The following NPSR1 variants were observed in gnomAD, a reference collection of about 807,000 sequenced individuals.
The protein encoded by NPSR1 is neuropeptide S receptor.
NPSR1 carries 48 observed loss-of-function variants against 46.9 expected under a neutral mutation model. The ratio of observed to expected loss-of-function variants is 1.02; its 90% confidence interval spans 0.81 to 1.30. The LOEUF is 1.30. Ranked by LOEUF, NPSR1 falls within the 50% of genes most tolerant of loss-of-function variation. The pLI, the probability that NPSR1 is intolerant of heterozygous loss-of-function variation, is 0.00. For missense variants in NPSR1, 450 were observed against 449.5 expected, an observed-to-expected ratio of 1.00 and a Z score of -0.01; for synonymous variants, 176 against 168.1, an observed-to-expected ratio of 1.05 and a Z score of -0.36.
In NPSR1 at chr7:34,846,339, G is replaced by A. The variant is rs183610214; in HGVS notation, c.844+1357G>A. ...TCTAGAGGGTCAGCAAATATTGACA[G>A]CCCTACCAGACCAAAAGGGCCCTTT... is the stretch of plus-strand genomic sequence containing the variant. On this transcript the variant is annotated intron_variant, in intron 7 of 8. Coordinates refer to ENST00000360581, the MANE Select transcript of NPSR1 (RefSeq NM_207172.2). Among the ~76,000 whole-genome samples, 30 of 152,204 alleles carry A rather than the reference G, an allele frequency of 2.0e-4. 1 individual carries two copies. In the East Asian group the frequency reaches 5.8e-3, roughly 29 times the overall value.
intron 1 of NPSR1, among the ~76,000 whole-genome samples, chr7:34,671,909 A>G (rs1792079802): frequency 1.3e-5 from 2 of 152,196 alleles, no homozygotes; most frequent in South Asian, 4.1e-4. Flanking sequence ...TCCAGGGGAA[A>G]GTTTCTCAGA....
At chr7:34,838,726 T>C (rs1394921923) in intron 6 of NPSR1, among the ~76,000 whole-genome samples, 1 of 152,188 alleles carries the variant, frequency 6.6e-6, no homozygotes, top group African/African-American at 2.4e-5. Flanking sequence ...GAAAAAGAAC[T>C]GTATCATAAA....
At chr7:34,769,176 T>C (rs2128732377) in intron 2 of NPSR1, among the ~76,000 whole-genome samples, 1 of 152,304 alleles carries the variant, frequency 6.6e-6, no homozygotes, top group Admixed American at 6.5e-5. Flanking sequence ...CTTTTTATGA[T>C]TTCATTTTGT....
At chr7:34,728,128 C>CAGTTT (rs1784252846) in intron 2 of NPSR1, among the ~76,000 whole-genome samples, 1 of 151,318 alleles carries the variant, frequency 6.6e-6, no homozygotes, top group Admixed American at 6.6e-5. Context: ...GCACAATGTG[C>CAGTTT]AGTTTAGTTA....
At chr7:34,746,584 G>A (rs1011253488) in intron 2 of NPSR1, among the ~76,000 whole-genome samples, 21 of 152,118 alleles carry the variant, frequency 1.4e-4, no homozygotes. Flanking sequence ...TCTTAACCAA[G>A]TGTTCTCCCT....
intron 2 of NPSR1, among the ~76,000 whole-genome samples, chr7:34,761,805 G>A (rs1786186250): frequency 6.6e-6 from 1 of 152,218 alleles, no homozygotes; most frequent in Admixed American, 6.5e-5. Context: ...TGAGCCCCAT[G>A]TTGTGCAATG....
At chr7:34,780,985 C>T (rs324986) in intron 3 of NPSR1, among the ~76,000 whole-genome samples, 2 of 151,890 alleles carry the variant, frequency 1.3e-5, no homozygotes, top group African/African-American at 2.4e-5. Context: ...TAAGAACATA[C>T]GCTGAGTAAT....
At chr7:34,712,106 C>T (rs1334883487) in intron 2 of NPSR1, among the ~76,000 whole-genome samples, 1 of 152,174 alleles carries the variant, frequency 6.6e-6, no homozygotes, top group Admixed American at 6.5e-5. Flanking sequence ...TGTATTAAAG[C>T]TGCTTATTTA....
Position 34,696,078 on chromosome 7 carries a change from T to TAAAA in NPSR1, c.280+11411_280+11414dup, listed in dbSNP as rs34574984. On this transcript the variant is annotated intron_variant, in intron 2 of 8. Coordinates refer to ENST00000360581, the MANE Select transcript of NPSR1 (RefSeq NM_207172.2). Reference sequence around the variant, plus strand: ...CAGTCTCCAGCAATGGTTGATTTGATAAAAAAAAAAAAAAAAAAAACTGCG... The same window carrying TAAAA: ...CAGTCTCCAGCAATGGTTGATTTGATAAAAAAAAAAAAAAAAAAAAAAAACTGCG... Among the ~76,000 whole-genome samples the TAAAA allele has an allele frequency of 2.2e-4, 25 of 113,866 alleles. 1 individual carries two copies. The highest frequency in any genetic ancestry group is 6.5e-4 in the African/African-American group (20 of 30,662). 74.7% of individuals were successfully genotyped at this position (113,866 alleles called of 152,430 possible).
At chr7:34,838,950 G>C (rs994060817) in intron 6 of NPSR1, among the ~76,000 whole-genome samples, 6 of 152,128 alleles carry the variant, frequency 3.9e-5, no homozygotes, top group African/African-American at 1.4e-4. Flanking sequence ...TGGCTTGGTG[G>C]ATATGATCCA....
chr7:34,814,495 C>T (rs1789146817), intron 4 of NPSR1, among the ~76,000 whole-genome samples: 1 of 152,254 alleles, frequency 6.6e-6, no homozygotes. Context: ...CAGACAGCTT[C>T]TGCAGACTTA....
At chr7:34,791,161 T>TG (rs1482559851) in intron 3 of NPSR1, among the ~76,000 whole-genome samples, 84 of 123,478 alleles carry the variant, frequency 6.8e-4, no homozygotes, top group African/African-American at 2.8e-3. Flanking sequence ...TTATATATTA[T>TG]ATATGTTATA....
chr7:34,744,054 T>C (rs1042470301), intron 2 of NPSR1, among the ~76,000 whole-genome samples: 2 of 152,170 alleles, frequency 1.3e-5, no homozygotes, highest in African/African-American at 2.4e-5. Flanking sequence ...TTATTATGTA[T>C]TCCATCTTTA....
At chr7:34,732,545 C>G (rs1444977284) in intron 2 of NPSR1, among the ~76,000 whole-genome samples, 1 of 152,078 alleles carries the variant, frequency 6.6e-6, no homozygotes, top group Non-Finnish European at 1.5e-5. Flanking sequence ...CAGGTGCAGC[C>G]CCACCTCCTG....
chr7:34,660,295 T>G (rs756567597), intron 1 of NPSR1: 41 of 417,608 alleles, frequency 9.8e-5, no homozygotes, highest in South Asian at 1.2e-4. Context: ...ATACGTGTAT[T>G]GACTAAAACC....
At chr7:34,725,870 T>C (rs1784121634) in intron 2 of NPSR1, among the ~76,000 whole-genome samples, 2 of 152,176 alleles carry the variant, frequency 1.3e-5, no homozygotes, top group South Asian at 2.1e-4. Flanking sequence ...ATGGGGGCAG[T>C]TTCCCCCATA....
chr7:34,827,645 G>T (rs765459060), intron 5 of NPSR1, 43 bp downstream of exon 5: 5 of 767,100 alleles, frequency 6.5e-6, no homozygotes, highest in African/African-American at 1.7e-5. Flanking sequence ...GGGTGGGGCG[G>T]GGGGGGCTTT....
intron 1 of NPSR1, among the ~76,000 whole-genome samples, chr7:34,661,618 C>T (rs1214168003): frequency 1.3e-5 from 2 of 152,160 alleles, no homozygotes; most frequent in African/African-American, 2.4e-5. Context: ...GCTTCCACCC[C>T]TCTAACCTAC....
At chr7:34,850,000 G>A, downstream of NPSR1, 1 of 1,043,446 alleles carries the variant, frequency 9.6e-7, no homozygotes, top group Non-Finnish European at 1.2e-6. Context: ...GGGGACAAAG[G>A]TAGCTGGGTT....
Sources: allele counts gnomAD v4.1 joint callset (sites outside exome capture counted in the v4.1 genomes callset), GRCh38; gene constraint gnomAD v4.1.1; transcripts MANE v1.5; gene names NCBI Gene and HGNC (gene_info 2026-07-23, HGNC 2026-07-21).